GPHN: variants seen among roughly 807,000 people sequenced by gnomAD.
The protein encoded by GPHN is gephyrin.
A neutral mutation model predicts 95.5 loss-of-function variants in GPHN; 17 were observed. The ratio of observed to expected loss-of-function variants is 0.18; its 90% CI spans 0.12 to 0.27. The LOEUF (loss-of-function observed/expected upper bound fraction) is 0.27, where lower values mean the gene tolerates loss of function less well. GPHN is among the 10% of genes least tolerant of loss of function. GPHN has a pLI of 1.00. For missense variants in GPHN, 660 were observed against 978.1 expected, an observed-to-expected ratio of 0.67 and a Z score of 4.34; for synonymous variants, 320 against 322.5, an observed-to-expected ratio of 0.99 and a Z score of 0.08.
the GPHN span, chr14:67,222,093 T>C: frequency 2.8e-6 from 1 of 360,242 alleles, no homozygotes. Flanking sequence ...ATCTAAATCA[T>C]CAAGCATAAA....
the GPHN span, among the ~76,000 whole-genome samples, chr14:67,421,813 GT>G: frequency 6.6e-6 from 1 of 152,124 alleles, no homozygotes; most frequent in African/African-American, 2.4e-5. Context: ...GCTTTCCCTA[GT>G]TTTGCTATCT....
the GPHN span, among the ~76,000 whole-genome samples, chr14:67,351,362 G>GA: frequency 2.2e-4 from 34 of 151,196 alleles, no homozygotes; most frequent in African/African-American, 8.0e-4. Flanking sequence ...AAGGTTTAAA[G>GA]AAAAAAAACT....
intron 1 of GPHN, among the ~76,000 whole-genome samples, chr14:66,664,968 A>G (rs1290192335): frequency 6.8e-6 from 1 of 147,566 alleles, no homozygotes; most frequent in Non-Finnish European, 1.5e-5. Context: ...AAATTGAGGC[A>G]GCAATAAATA....
the GPHN span, chr14:67,312,839 G>T: frequency 2.8e-6 from 2 of 709,758 alleles, no homozygotes; most frequent in Non-Finnish European, 4.2e-6. Flanking sequence ...TCGTGTAGTT[G>T]GGTTTTTATG....
the GPHN span, chr14:67,695,766 T>C: frequency 6.7e-7 from 1 of 1,498,060 alleles, no homozygotes; most frequent in Non-Finnish European, 9.3e-7. Context: ...CTATGGCTTC[T>C]CTTTCTAGAC....
At chr14:67,215,608 A>T in the GPHN span, among the ~76,000 whole-genome samples, 11 of 152,330 alleles carry the variant, frequency 7.2e-5, no homozygotes, top group Admixed American at 5.9e-4. Context: ...ACGGGAATAT[A>T]AGATGCAGAA....
chr14:67,549,518 G>C, the GPHN span, among the ~76,000 whole-genome samples: 10,570 of 152,164 alleles, frequency 0.069, 417 homozygotes, highest in East Asian at 0.13. Flanking sequence ...TGATCCGCCT[G>C]CCTCGGCCTC....
the GPHN span, chr14:67,473,892 G>T: frequency 1.9e-6 from 3 of 1,609,188 alleles, no homozygotes; most frequent in African/African-American, 4.0e-5. The surrounding 1 kb of genome is among the most constrained non-coding windows in gnomAD (Gnocchi z 6.5). Flanking sequence ...GTACCAGCGG[G>T]ACAGCGCCGT....
chr14:67,519,974 C>T, the GPHN span, among the ~76,000 whole-genome samples: 3 of 152,126 alleles, frequency 2.0e-5, no homozygotes, highest in Admixed American at 6.5e-5. Context: ...CCTCCCACCT[C>T]GGCCCCCCAA....
the GPHN span, chr14:67,585,766 C>A: frequency 1.5e-5 from 15 of 980,196 alleles, no homozygotes; most frequent in Admixed American, 2.3e-5. Context: ...GCCCTACCCC[C>A]ACTCCTGCCC....
chr14:67,448,999 G>A, the GPHN span, among the ~76,000 whole-genome samples: 4 of 152,250 alleles, frequency 2.6e-5, no homozygotes, highest in Non-Finnish European at 1.5e-5. Flanking sequence ...AAGGTGTCAC[G>A]ACAGAAAAGT....
intron 1 of GPHN, among the ~76,000 whole-genome samples, chr14:66,631,886 G>A (rs979132280): frequency 6.6e-6 from 1 of 151,914 alleles, no homozygotes; most frequent in Non-Finnish European, 1.5e-5. Flanking sequence ...TCCTATCATT[G>A]CTTCTAAACA....
chr14:67,145,441 A>C lies in GPHN; in HGVS notation c.1836+1992A>C, dbSNP rs1015558641. ...GTAAACAAAGCCAATATAGTTAAGC[A>C]TATTGGTTTTATTTTTTTTACTCTC... On this transcript the variant is annotated intron_variant, in intron 18 of 22. Transcript: ENST00000478722. Among the ~76,000 whole-genome samples the C allele has an allele frequency of 2.0e-5, 3 of 152,182 alleles. No homozygotes were observed. In the South Asian group the frequency reaches 6.2e-4, roughly 32 times the overall value.
chr14:66,866,275 C>T (rs997090427), intron 4 of GPHN, among the ~76,000 whole-genome samples: 12 of 151,668 alleles, frequency 7.9e-5, no homozygotes, highest in African/African-American at 2.2e-4. Flanking sequence ...TTTTTTTTAA[C>T]GTAGGTTGAA....
At chr14:66,515,227 G>A (rs554265335) in intron 1 of GPHN, among the ~76,000 whole-genome samples, 5 of 152,136 alleles carry the variant, frequency 3.3e-5, no homozygotes, top group African/African-American at 1.2e-4. Flanking sequence ...CTTCTTTTGT[G>A]CCCTTTTGTC....
chr14:66,548,620 A>T (rs916800692), intron 1 of GPHN, among the ~76,000 whole-genome samples: 1 of 152,192 alleles, frequency 6.6e-6, no homozygotes, highest in Non-Finnish European at 1.5e-5. Context: ...ATTCCCTGAG[A>T]TACAAAATAT....
chr14:66,906,102 G>A (rs556490075), intron 5 of GPHN, among the ~76,000 whole-genome samples: 1 of 152,080 alleles, frequency 6.6e-6, no homozygotes, highest in Non-Finnish European at 1.5e-5. Context: ...CTCGGGTGAG[G>A]GAGGTGAAAC....
chr14:67,054,883 G>A (rs948893910), intron 10 of GPHN, among the ~76,000 whole-genome samples: 8 of 152,142 alleles, frequency 5.3e-5, no homozygotes, highest in African/African-American at 1.9e-4. Context: ...TGGGAGAACT[G>A]GCTAGCCATA....
At chr14:66,532,269 A>T (rs944769938) in intron 1 of GPHN, among the ~76,000 whole-genome samples, 8 of 152,144 alleles carry the variant, frequency 5.3e-5, no homozygotes, top group Admixed American at 5.2e-4. Context: ...TAGAGCTGTG[A>T]TATCTGGAGG....
Sources: allele counts gnomAD v4.1 joint callset (sites outside exome capture counted in the v4.1 genomes callset), GRCh38; gene constraint gnomAD v4.1.1; non-coding constraint Gnocchi (gnomAD v3.1); transcripts MANE v1.5; gene names NCBI Gene and HGNC (gene_info 2026-07-23, HGNC 2026-07-21).